Variants in SCFD1 observed in about 807,000 individuals in gnomAD.
SCFD1 encodes the protein sec1 family domain-containing protein 1.
Under a neutral mutation model 103.2 loss-of-function variants are expected in SCFD1, and 37 were observed. The observed-to-expected ratio is 0.36, with a 90% CI of 0.28 to 0.47. The LOEUF is 0.47. Ranked by LOEUF, SCFD1 falls within the 20% of genes least tolerant of loss-of-function variation. The pLI is 1.00. For synonymous variants in SCFD1, 264 were observed against 245.0 expected, an observed-to-expected ratio of 1.08 and a Z score of -0.73; for missense variants, 639 against 761.2, an observed-to-expected ratio of 0.84 and a Z score of 1.89.
chr14:30,634,782 G>A (rs759011058), intron 4 of SCFD1: 5 of 455,580 alleles, frequency 1.1e-5, no homozygotes, highest in Admixed American at 2.4e-5. Flanking sequence ...CTTGCTTGTC[G>A]CTGCGCCTGT....
intron 19 of SCFD1, among the ~76,000 whole-genome samples, chr14:30,710,680 T>C (rs1461775469): frequency 6.6e-6 from 1 of 152,182 alleles, no homozygotes; most frequent in African/African-American, 2.4e-5. Flanking sequence ...AAAGAGTCTC[T>C]AGAAATATGT....
chr14:30,698,614 G>A (rs1020381571), intron 15 of SCFD1, among the ~76,000 whole-genome samples: 2 of 152,172 alleles, frequency 1.3e-5, no homozygotes, highest in Non-Finnish European at 2.9e-5. Context: ...TCCCAAGCGG[G>A]TAGGACAAGC....
intron 5 of SCFD1, among the ~76,000 whole-genome samples, chr14:30,638,920 TC>T (rs1444758769): frequency 6.6e-6 from 1 of 152,232 alleles, no homozygotes; most frequent in Non-Finnish European, 1.5e-5. Context: ...GCATATACTT[TC>T]TATTCTTTTT....
intron 20 of SCFD1, among the ~76,000 whole-genome samples, chr14:30,716,611 T>C (rs17097124): frequency 0.078 from 11,899 of 152,154 alleles, 756 homozygotes; most frequent in African/African-American, 0.17. Context: ...ACCACAAGAA[T>C]CTGGAATCAA....
At chr14:30,671,351 TAAATAA>T (rs1255804986) in intron 11 of SCFD1, among the ~76,000 whole-genome samples, 1 of 152,150 alleles carries the variant, frequency 6.6e-6, no homozygotes, top group African/African-American at 2.4e-5. Flanking sequence ...AATTTGATTT[TAAATAA>T]TACTCTTCCC....
intron 23 of SCFD1, among the ~76,000 whole-genome samples, chr14:30,726,065 T>C (rs1020901650): frequency 1.3e-5 from 2 of 152,236 alleles, no homozygotes; most frequent in African/African-American, 4.8e-5. Context: ...CCACACGCTC[T>C]TACCCTTGGT....
At chr14:30,662,942 C>T (rs1887580623) in intron 10 of SCFD1, among the ~76,000 whole-genome samples, 1 of 152,158 alleles carries the variant, frequency 6.6e-6, no homozygotes, top group African/African-American at 2.4e-5. Flanking sequence ...TCAATGGAAA[C>T]AGATTAGACT....
At chr14:30,648,184 G>A (rs765972423) in intron 7 of SCFD1, among the ~76,000 whole-genome samples, 8 of 152,136 alleles carry the variant, frequency 5.3e-5, no homozygotes, top group Non-Finnish European at 1.0e-4. Flanking sequence ...AGAGGGTTAC[G>A]TTTATACATT....
At chr14:30,646,476 A>G (rs1036158401) in intron 7 of SCFD1, among the ~76,000 whole-genome samples, 1 of 152,184 alleles carries the variant, frequency 6.6e-6, no homozygotes, top group Non-Finnish European at 1.5e-5. Context: ...CTGGGAATAA[A>G]GCATACTTGA....
chr14:30,634,494 T>C (rs1203078830), intron 4 of SCFD1, among the ~76,000 whole-genome samples: 1 of 152,166 alleles, frequency 6.6e-6, no homozygotes, highest in East Asian at 1.9e-4. Flanking sequence ...GGAAAAAACA[T>C]ATACGGTTCA....
chr14:30,674,905 G>T (rs1200808717), intron 13 of SCFD1, 79 bp from the exon 14 acceptor site: 1 of 728,580 alleles, frequency 1.4e-6, no homozygotes, highest in African/African-American at 1.8e-5. Context: ...TTTCCACAGG[G>T]GAAACACCAG....
intron 10 of SCFD1, among the ~76,000 whole-genome samples, chr14:30,658,720 G>A (rs1340815437): frequency 6.6e-6 from 1 of 152,158 alleles, no homozygotes; most frequent in Non-Finnish European, 1.5e-5. Flanking sequence ...ACCTAGCTAA[G>A]GTTATAAGAG....
intron 4 of SCFD1, 106 bp downstream of exon 4, chr14:30,634,143 A>T (rs111491445): frequency 6.5e-6 from 4 of 615,146 alleles, no homozygotes; most frequent in African/African-American, 1.9e-5. Context: ...TCCTATGCCT[A>T]CTTTCTCACT....
chr14:30,654,865 A>G (rs1293798999), intron 10 of SCFD1, among the ~76,000 whole-genome samples: 3 of 152,210 alleles, frequency 2.0e-5, no homozygotes, highest in Non-Finnish European at 2.9e-5. Context: ...TTAATTCAGT[A>G]GACAGGGCAA....
intron 21 of SCFD1, 53 bp downstream of exon 21, chr14:30,719,430 A>G (rs1892501523): frequency 2.9e-6 from 4 of 1,363,206 alleles, no homozygotes; most frequent in Non-Finnish European, 4.1e-6. Flanking sequence ...TCGAGAATGG[A>G]AATAATTTTT....
At chr14:30,731,068 T>C (rs1201171173) in intron 23 of SCFD1, among the ~76,000 whole-genome samples, 3 of 152,346 alleles carry the variant, frequency 2.0e-5, no homozygotes, top group East Asian at 1.9e-4. Flanking sequence ...TTTCTACATA[T>C]GGCTAGCCAG....
intron 10 of SCFD1, among the ~76,000 whole-genome samples, chr14:30,661,493 G>A (rs1887446342): frequency 6.6e-6 from 1 of 152,058 alleles, no homozygotes; most frequent in Non-Finnish European, 1.5e-5. Flanking sequence ...GTAGAGTGAT[G>A]GATGTCAAAT....
At chr14:30,693,149 A>G (rs907893964) in intron 14 of SCFD1, among the ~76,000 whole-genome samples, 1 of 152,220 alleles carries the variant, frequency 6.6e-6, no homozygotes, top group Admixed American at 6.5e-5. Flanking sequence ...GCTCACTGAT[A>G]GGGAATCCTC....
chr14:30,668,800 A>G (rs1464282855), intron 10 of SCFD1, among the ~76,000 whole-genome samples: 3 of 152,250 alleles, frequency 2.0e-5, no homozygotes, highest in African/African-American at 7.2e-5. Flanking sequence ...ACATGAAAAA[A>G]TGCTCATCGT....
Sources: allele counts gnomAD v4.1 joint callset (sites outside exome capture counted in the v4.1 genomes callset), GRCh38; gene constraint gnomAD v4.1.1; transcripts MANE v1.5; gene names NCBI Gene and HGNC (gene_info 2026-07-23, HGNC 2026-07-21).